APP: variants seen among roughly 807,000 people sequenced by gnomAD.
The protein encoded by APP is amyloid beta precursor protein, also known as amyloid-beta precursor protein.
APP carries 31 observed loss-of-function variants against 101.4 expected under a neutral mutation model. That is an observed-to-expected ratio of 0.31 (90% CI 0.23 to 0.41). The LOEUF (loss-of-function observed/expected upper bound fraction) is 0.41. Ranked by LOEUF, APP falls within the 10% of genes least tolerant of loss-of-function variation. The pLI is 1.00. For missense variants in APP, 839 were observed against 1,003.7 expected, an observed-to-expected ratio of 0.84 and a Z score of 2.22; for synonymous variants, 366 against 364.4, an observed-to-expected ratio of 1.00 and a Z score of -0.05.
At chr21:26,032,805 A>AATATATATATAT (rs10532653) in intron 5 of APP, among the ~76,000 whole-genome samples, 2 of 124,474 alleles carry the variant, frequency 1.6e-5, no homozygotes, top group East Asian at 4.4e-4. Context: ...AAAAAAAAAA[A>AATATATATATAT]ATATATATAT....
rs2044366638 is a variant in APP, at chr21:26,022,056, C to T, written c.663-14G>A. 2 of 1,611,782 alleles carry T rather than the reference C, an allele frequency of 1.2e-6. No individual in the cohort carries two copies. The highest frequency in any genetic ancestry group is 1.3e-5 in the African/African-American group (1 of 74,870). On this transcript the variant is annotated splice_polypyrimidine_tract_variant and intron_variant, in intron 5 of 17. Coordinates refer to ENST00000346798, the MANE Select transcript of APP (RefSeq NM_000484.4). Reference sequence around the variant, plus strand: ...ACTTTGTCTTCACTGTGAAGGCAAACACAAATAACAGAAAAAGTCAATTAA... The same window carrying T: ...ACTTTGTCTTCACTGTGAAGGCAAATACAAATAACAGAAAAAGTCAATTAA...
intron 6 of APP, among the ~76,000 whole-genome samples, chr21:26,019,164 C>T (rs2146766794): frequency 6.6e-6 from 1 of 152,342 alleles, no homozygotes; most frequent in Non-Finnish European, 1.5e-5. Context: ...GAAAAATCTG[C>T]AGCGCACAGT....
chr21:26,168,255 T>C (rs936248798), intron 1 of APP, among the ~76,000 whole-genome samples: 3 of 152,176 alleles, frequency 2.0e-5, no homozygotes, highest in African/African-American at 7.2e-5. Context: ...CCCTTATTCA[T>C]TTCTTTTCTA....
chr21:26,112,734 C>T (rs144399282), intron 1 of APP, among the ~76,000 whole-genome samples: 1 of 152,270 alleles, frequency 6.6e-6, no homozygotes, highest in African/African-American at 2.4e-5. Context: ...CCTGGTTTCC[C>T]CCAGAATATT....
intron 1 of APP, among the ~76,000 whole-genome samples, chr21:26,140,644 C>A (rs141486961): frequency 4.7e-4 from 71 of 152,332 alleles, no homozygotes; most frequent in African/African-American, 1.6e-3. Flanking sequence ...TCATATTTAA[C>A]AAATTCAAAG....
chr21:25,924,392 AG>A (rs1303753808), intron 13 of APP, among the ~76,000 whole-genome samples: 1 of 106,828 alleles, frequency 9.4e-6, no homozygotes, highest in Non-Finnish European at 1.8e-5. Context: ...AAAAAAAAAA[AG>A]ATTTGAATTT....
intron 17 of APP, among the ~76,000 whole-genome samples, chr21:25,885,344 C>T (rs1363145882): frequency 1.3e-5 from 2 of 152,236 alleles, no homozygotes; most frequent in Non-Finnish European, 2.9e-5. Flanking sequence ...AGCCCTACCA[C>T]GACCCTGTGC....
At chr21:26,050,802 CTG>C (rs1259724967) in intron 5 of APP, among the ~76,000 whole-genome samples, 196 bp downstream of exon 5, 1 of 152,174 alleles carries the variant, frequency 6.6e-6, no homozygotes. Context: ...AAAATTAACT[CTG>C]TGATGGGTGA....
chr21:26,168,892 TA>T (rs913455747), intron 1 of APP, among the ~76,000 whole-genome samples: 2 of 152,170 alleles, frequency 1.3e-5, no homozygotes, highest in African/African-American at 4.8e-5. Context: ...CCTTGCAAAT[TA>T]GAAACTAAAA....
At position 25,902,440 on chromosome 21, in the gene APP, C is replaced by T. The variant is rs114824372; in HGVS notation, c.1963+2584G>A. Among the ~76,000 whole-genome samples, 201 of 146,346 alleles carry T rather than the reference C, an allele frequency of 1.4e-3. 1 individual carries two copies. Among genetic ancestry groups the T allele is most frequent in the African/African-American group, 4.5e-3 (182 of 40,670 alleles). On this transcript the variant is annotated intron_variant, in intron 15 of 17. Coordinates refer to ENST00000346798, the MANE Select transcript of APP (RefSeq NM_000484.4). ...AACAGAACACACGCATGGCTTAATA[C>T]ATGTGCAGTAAATACTGCTATTCAT...
chr21:25,918,604 C>G (rs1169095036), intron 13 of APP, among the ~76,000 whole-genome samples: 1 of 151,924 alleles, frequency 6.6e-6, no homozygotes, highest in East Asian at 1.9e-4. Context: ...CTTTCTGAGT[C>G]AAAGAAAGGG....
intron 5 of APP, 84 bp downstream of exon 5, chr21:26,050,916 A>C (rs2045810768): frequency 1.0e-5 from 16 of 1,531,430 alleles, no homozygotes; most frequent in Non-Finnish European, 1.4e-5. Flanking sequence ...TTCAGTGATA[A>C]ACAGAAAGAT....
intron 14 of APP, among the ~76,000 whole-genome samples, chr21:25,909,828 C>T (rs183083976): frequency 6.6e-6 from 1 of 152,124 alleles, no homozygotes; most frequent in African/African-American, 2.4e-5. Flanking sequence ...TTTTCCAGGT[C>T]TTTGATAATG....
intron 3 of APP, among the ~76,000 whole-genome samples, chr21:26,062,903 C>T (rs1008371997): frequency 6.6e-6 from 1 of 152,018 alleles, no homozygotes; most frequent in Non-Finnish European, 1.5e-5. Context: ...GCTGGGACTA[C>T]AGGCACATGC....
intron 1 of APP, among the ~76,000 whole-genome samples, chr21:26,164,027 A>ACGAGG (rs1391926650): frequency 6.6e-6 from 1 of 152,098 alleles, no homozygotes; most frequent in African/African-American, 2.4e-5. Context: ...CAGGCGGATC[A>ACGAGG]CGAGGTCAAG....
In APP at chr21:25,992,666, CCTAT is replaced by C. The variant is rs1207667873; in HGVS notation, c.1090+4690_1090+4693del. ...TGGCTTTGAAGAAAAAGCCATTCTT[CCTAT>C]CTAAGCATTTCCAGATACCAAAGAT... On this transcript the variant is annotated intron_variant, in intron 8 of 17. Coordinates refer to ENST00000346798, the MANE Select transcript of APP (RefSeq NM_000484.4). 3.9e-5 allele frequency among the ~76,000 whole-genome samples: 6 copies of C among 152,268 alleles called. No homozygotes were observed. In the East Asian group the frequency reaches 1.2e-3, roughly 29 times the overall value.
intron 17 of APP, among the ~76,000 whole-genome samples, chr21:25,886,776 C>G (rs1010621274): frequency 6.6e-6 from 1 of 151,914 alleles, no homozygotes; most frequent in African/African-American, 2.4e-5. Context: ...GGTTCTGCAC[C>G]CCCCCTCACT....
chr21:25,929,297 A>G (rs2040039831), intron 13 of APP, among the ~76,000 whole-genome samples: 1 of 152,348 alleles, frequency 6.6e-6, no homozygotes, highest in Middle Eastern at 3.4e-3. Flanking sequence ...TTTACTAATT[A>G]TAAGAGTAAC....
chr21:25,897,286 T>C (rs757949398), intron 16 of APP, among the ~76,000 whole-genome samples: 1 of 152,136 alleles, frequency 6.6e-6, no homozygotes, highest in Non-Finnish European at 1.5e-5. Context: ...CTAATCTTTT[T>C]TGTATTTTTA....
Sources: allele counts gnomAD v4.1 joint callset (sites outside exome capture counted in the v4.1 genomes callset), GRCh38; gene constraint gnomAD v4.1.1; transcripts MANE v1.5; gene names NCBI Gene and HGNC (gene_info 2026-07-23, HGNC 2026-07-21).